Variants in TMEM131L observed in about 807,000 individuals in gnomAD.
The protein encoded by TMEM131L is transmembrane 131 like, also known as transmembrane protein 131-like.
TMEM131L carries 54 observed loss-of-function variants against 192.2 expected under a neutral mutation model. The observed-to-expected ratio is 0.28, with a 90% CI of 0.23 to 0.35. The LOEUF is 0.35. TMEM131L is among the 10% of genes least tolerant of loss of function. TMEM131L has a pLI of 1.00. For missense variants in TMEM131L, 1,888 were observed against 1,972.9 expected (o/e 0.96, Z 0.82); for synonymous variants, 701 against 704.9 (o/e 0.99, Z 0.09).
intron 3 of TMEM131L, among the ~76,000 whole-genome samples, chr4:153,484,037 T>C (rs556535468): frequency 6.6e-6 from 1 of 152,190 alleles, no homozygotes; most frequent in Admixed American, 6.5e-5. Flanking sequence ...GCTTGGAGTT[T>C]CCAGGCTCAA....
rs749172877 is a variant in TMEM131L at position 153,621,725 on chromosome 4, T to G, written c.3735T>G (p.Phe1245Leu). The G allele has an allele frequency of 1.2e-5, 19 of 1,614,072 alleles. No individual in the cohort carries two copies. The change falls in exon 28 of 35, where the codon TTT (phenylalanine) becomes TTG (leucine). Residue 1245 changes from phenylalanine to leucine, a missense_variant. Phe to Leu is a conservative substitution (Grantham distance 22). Coordinates refer to ENST00000409959, the MANE Select transcript of TMEM131L (RefSeq NM_001131007.2). ...ATCTAAAGCTTGTGTGCAGTGACTT[T>G]GAGAGGTCTGAGCTGAGCAGTGACA... is the stretch of plus-strand genomic sequence containing the variant. ...QSDLKLVCSD[F>L]ERSELSSDIN...
chr4:153,599,437 A>G (rs1731675218), intron 21 of TMEM131L, among the ~76,000 whole-genome samples: 1 of 152,176 alleles, frequency 6.6e-6, no homozygotes, highest in South Asian at 2.1e-4. Flanking sequence ...CCAGCTACTC[A>G]AGAGGCTAGG....
intron 3 of TMEM131L, among the ~76,000 whole-genome samples, chr4:153,547,357 T>C (rs1343810324): frequency 2.0e-5 from 3 of 152,266 alleles, no homozygotes; most frequent in Non-Finnish European, 4.4e-5. Context: ...TATTCTATAA[T>C]ATTCAGAGCT....
At chr4:153,527,282 G>T (rs6535920) in intron 3 of TMEM131L, among the ~76,000 whole-genome samples, 11,282 of 110,790 alleles carry the variant, frequency 0.1, 793 homozygotes, top group East Asian at 0.22. Flanking sequence ...TTTTCTTTGT[G>T]GGGGGGCGGT....
At chr4:153,549,101 A>G (rs1737414176) in intron 3 of TMEM131L, among the ~76,000 whole-genome samples, 1 of 152,114 alleles carries the variant, frequency 6.6e-6, no homozygotes, top group Non-Finnish European at 1.5e-5. Flanking sequence ...AGTAGCTGGG[A>G]TTACAGGCGC....
intron 3 of TMEM131L, among the ~76,000 whole-genome samples, chr4:153,539,973 G>A (rs1736646920): frequency 6.6e-6 from 1 of 152,074 alleles, no homozygotes; most frequent in African/African-American, 2.4e-5. Flanking sequence ...AGCCGGGCAT[G>A]GTGGCGGGTG....
At chr4:153,631,812 C>T (rs1028014106) in intron 31 of TMEM131L, among the ~76,000 whole-genome samples, 1 of 152,224 alleles carries the variant, frequency 6.6e-6, no homozygotes, top group African/African-American at 2.4e-5. Flanking sequence ...GCCTCATCCC[C>T]TACTCTTCCA....
chr4:153,501,717 A>G (rs546665782), intron 3 of TMEM131L, among the ~76,000 whole-genome samples: 1 of 152,248 alleles, frequency 6.6e-6, no homozygotes, highest in South Asian at 2.1e-4. Context: ...CATAAATGAG[A>G]TAGAAGCTTT....
chr4:153,597,355 T>C (rs1731514817), intron 20 of TMEM131L, among the ~76,000 whole-genome samples: 1 of 152,086 alleles, frequency 6.6e-6, no homozygotes, highest in African/African-American at 2.4e-5. Context: ...AGACAAACTT[T>C]ATTTCATCCC....
intron 33 of TMEM131L, among the ~76,000 whole-genome samples, chr4:153,634,710 G>A (rs1734453507): frequency 1.3e-5 from 2 of 152,178 alleles, no homozygotes; most frequent in Non-Finnish European, 2.9e-5. Flanking sequence ...GGGTGGTGCT[G>A]CAGAAGGAAG....
At chr4:153,492,702 T>C (rs1282960888) in intron 3 of TMEM131L, among the ~76,000 whole-genome samples, 2 of 152,190 alleles carry the variant, frequency 1.3e-5, no homozygotes, top group Non-Finnish European at 2.9e-5. Flanking sequence ...AGAAGGAACA[T>C]GTGACTTGGG....
intron 7 of TMEM131L, among the ~76,000 whole-genome samples, chr4:153,577,016 G>A (rs755668937): frequency 2.6e-5 from 4 of 152,194 alleles, no homozygotes; most frequent in Non-Finnish European, 5.9e-5. Flanking sequence ...GTTGTGAGAA[G>A]TGTTACAAAA....
At chr4:153,621,607 T>A (rs931802481) in intron 27 of TMEM131L, 76 bp from the exon 28 acceptor site, 7 of 1,450,298 alleles carry the variant, frequency 4.8e-6, no homozygotes, top group Middle Eastern at 2.2e-4. Context: ...CTCTAATAAG[T>A]GTCATGGAAA....
intron 7 of TMEM131L, among the ~76,000 whole-genome samples, chr4:153,567,052 T>TG (rs1729257201): frequency 6.6e-6 from 1 of 152,198 alleles, no homozygotes; most frequent in African/African-American, 2.4e-5. Context: ...GCTACTTGCC[T>TG]TCTAAGGTGC....
At chr4:153,531,345 A>G (rs1265914432) in intron 3 of TMEM131L, among the ~76,000 whole-genome samples, 2 of 152,238 alleles carry the variant, frequency 1.3e-5, no homozygotes, top group East Asian at 3.8e-4. Context: ...GCCAGTGCCC[A>G]TGAGAATTCT....
intron 3 of TMEM131L, among the ~76,000 whole-genome samples, chr4:153,542,506 G>T (rs1296569123): frequency 6.6e-6 from 1 of 152,166 alleles, no homozygotes; most frequent in Non-Finnish European, 1.5e-5. Flanking sequence ...AGCCAGGTGC[G>T]CTTCGGCAAG....
chr4:153,533,559 G>A (rs1313228091), intron 3 of TMEM131L, among the ~76,000 whole-genome samples: 1 of 152,202 alleles, frequency 6.6e-6, no homozygotes, highest in African/African-American at 2.4e-5. Flanking sequence ...AATAACCAAT[G>A]TTGCTGATTC....
chr4:153,503,800 G>A (rs1353512480), intron 3 of TMEM131L, among the ~76,000 whole-genome samples: 3 of 152,154 alleles, frequency 2.0e-5, no homozygotes, highest in African/African-American at 7.2e-5. Context: ...AAGTGATGAA[G>A]GGTCATGAAA....
rs528096855 is a variant in TMEM131L at position 153,620,697 on chromosome 4, A to G, written c.3568-59A>G. The G allele has an allele frequency of 9.5e-5, 109 of 1,152,104 alleles. No individual in the cohort carries two copies. In the African/African-American group the frequency reaches 1.7e-3, roughly 18 times the overall value. 71.4% of individuals were successfully genotyped at this position (1,152,104 alleles called of 1,614,324 possible). A position where few individuals can be genotyped will look rare whatever the true frequency, so the allele number is the denominator to read the frequency against. On this transcript the variant is annotated intron_variant, in intron 26 of 34. Coordinates refer to ENST00000409959, the MANE Select transcript of TMEM131L (RefSeq NM_001131007.2). ...AGATGGAGTTGGTCTTCAAACATTT[A>G]AACATGTTTTTATTCATATTTAGTT...
Sources: gnomAD v4.1 joint callset for allele counts (sites outside exome capture counted in the v4.1 genomes callset) on GRCh38, gnomAD v4.1.1 for gene constraint, MANE v1.5 for transcripts, NCBI Gene and HGNC (gene_info 2026-07-23, HGNC 2026-07-21) for gene names.